PTPN4: variants seen among roughly 807,000 people sequenced by gnomAD.
PTPN4 encodes protein tyrosine phosphatase non-receptor type 4, also known as tyrosine-protein phosphatase non-receptor type 4.
Under a neutral mutation model 135.5 loss-of-function variants are expected in PTPN4, and 49 were observed. The observed-to-expected ratio is 0.36, with a 90% CI of 0.29 to 0.46. PTPN4 has a LOEUF of 0.46. PTPN4 is among the 20% of genes least tolerant of loss of function. PTPN4 has a pLI of 1.00. For missense variants in PTPN4, 860 were observed against 1,101.0 expected (o/e 0.78, Z 3.10); for synonymous variants, 333 against 369.9 (o/e 0.90, Z 1.14).
chr2:119,865,051 T>TC (rs2104989634), intron 3 of PTPN4, among the ~76,000 whole-genome samples: 1 of 152,252 alleles, frequency 6.6e-6, no homozygotes, highest in South Asian at 2.1e-4. Context: ...ATCTCCTAAC[T>TC]CCCCATGCTA....
At chr2:119,826,890 A>G (rs1017538553) in intron 2 of PTPN4, among the ~76,000 whole-genome samples, 1 of 152,096 alleles carries the variant, frequency 6.6e-6, no homozygotes, top group Non-Finnish European at 1.5e-5. Context: ...TTAGTCAGGC[A>G]TGGTGGCATG....
intron 1 of PTPN4, among the ~76,000 whole-genome samples, chr2:119,770,720 A>G (rs1450085497): frequency 6.6e-6 from 1 of 151,588 alleles, no homozygotes; most frequent in African/African-American, 2.4e-5. Context: ...GTATAGATAT[A>G]CTATTAAGCT....
intron 1 of PTPN4, among the ~76,000 whole-genome samples, chr2:119,796,263 A>G (rs975764614): frequency 2.6e-5 from 4 of 152,174 alleles, no homozygotes; most frequent in Non-Finnish European, 4.4e-5. Flanking sequence ...ATATGTATAC[A>G]TCCATTAAAC....
chr2:119,934,659 C>T lies in PTPN4; in HGVS notation c.1197-141C>T, dbSNP rs1678954943. 3.9e-6 allele frequency: 3 copies of T among 777,044 alleles called. No individual in the cohort carries two copies. The Admixed American group carries it at 8.1e-5, about 21-fold the overall frequency. The allele number at this position is 777,044 out of a possible 1,614,324, so 48.1% of individuals were successfully genotyped here. ...CTCTGTTCCCTCTGTTTATATCACA[C>T]TGTCTTTTTCAGAGATTGCTTAGTC... On this transcript the variant is annotated intron_variant, in intron 14 of 26. Transcript: ENST00000263708.
At chr2:119,949,110 C>G (rs1679176478) in intron 18 of PTPN4, among the ~76,000 whole-genome samples, 1 of 152,028 alleles carries the variant, frequency 6.6e-6, no homozygotes. Flanking sequence ...ATATTCATTT[C>G]CAAACAGAAT....
At chr2:119,838,182 G>A (rs750875159) in intron 2 of PTPN4, among the ~76,000 whole-genome samples, 20 of 151,952 alleles carry the variant, frequency 1.3e-4, no homozygotes, top group Non-Finnish European at 2.2e-4. Flanking sequence ...TTTCTTCAGT[G>A]GATGATTTCT....
At chr2:119,910,117 G>C (rs1391976571) in intron 10 of PTPN4, among the ~76,000 whole-genome samples, 1 of 152,000 alleles carries the variant, frequency 6.6e-6, no homozygotes, top group African/African-American at 2.4e-5. Context: ...TTCTAGTGTA[G>C]GTAAGTGCTA....
intron 11 of PTPN4, chr2:119,915,987 TC>T (rs1236393050): frequency 6.6e-6 from 1 of 151,448 alleles, no homozygotes; most frequent in African/African-American, 2.4e-5. Flanking sequence ...GGCCAGGAGT[TC>T]CAGACCAGCC....
chr2:119,770,579 G>T (rs973652555), intron 1 of PTPN4, among the ~76,000 whole-genome samples: 1 of 151,922 alleles, frequency 6.6e-6, no homozygotes, highest in Non-Finnish European at 1.5e-5. Flanking sequence ...TATGTAGAAG[G>T]TATTTACTAT....
At chr2:119,952,844 C>T (rs1359621849) in intron 19 of PTPN4, among the ~76,000 whole-genome samples, 1 of 152,194 alleles carries the variant, frequency 6.6e-6, no homozygotes, top group African/African-American at 2.4e-5. Flanking sequence ...CAAGAACATT[C>T]TACCAATATA....
chr2:119,934,094 G>A (rs1305856462), intron 14 of PTPN4, among the ~76,000 whole-genome samples: 1 of 152,116 alleles, frequency 6.6e-6, no homozygotes, highest in Non-Finnish European at 1.5e-5. Flanking sequence ...ACAATTTCAG[G>A]TATAATCTAA....
rs182219548 is a variant in PTPN4 at position 119,870,480 on chromosome 2, A to G, written c.247-6843A>G. ...TCTGAATGGAATTTTTGGGGAGAAG[A>G]TTTGACAATAGGATCCTCAACTTCC... On this transcript the variant is annotated intron_variant, in intron 3 of 26. Coordinates refer to ENST00000263708, the MANE Select transcript of PTPN4 (RefSeq NM_002830.4). Among the ~76,000 whole-genome samples the G allele has an allele frequency of 1.3e-4, 20 of 152,324 alleles. No homozygotes were observed. In the East Asian group the frequency reaches 3.5e-3, roughly 26 times the overall value.
chr2:119,765,712 G>C (rs1205412685), intron 1 of PTPN4, among the ~76,000 whole-genome samples: 1 of 152,244 alleles, frequency 6.6e-6, no homozygotes, highest in African/African-American at 2.4e-5. Context: ...TAGTGACAGT[G>C]TAATAAGATC....
intron 1 of PTPN4, among the ~76,000 whole-genome samples, chr2:119,785,126 A>C (rs1303014299): frequency 2.6e-5 from 4 of 152,146 alleles, no homozygotes; most frequent in Non-Finnish European, 4.4e-5. Flanking sequence ...TCTGCACTGG[A>C]GCCAGTAGCA....
intron 1 of PTPN4, among the ~76,000 whole-genome samples, chr2:119,806,974 G>A (rs1691482461): frequency 2.0e-5 from 3 of 152,170 alleles, no homozygotes; most frequent in Admixed American, 2.0e-4. Context: ...GCTTCTGAAT[G>A]ACTACGGGGT....
At chr2:119,843,218 CTTTTTTTTTTT>C (rs779045976) in intron 2 of PTPN4, among the ~76,000 whole-genome samples, 3 of 107,298 alleles carry the variant, frequency 2.8e-5, no homozygotes, top group Admixed American at 2.0e-4. Flanking sequence ...ATGCATTTTT[CTTTTTTTTTTT>C]TTTTTTTTTG....
chr2:119,881,276 C>T (rs1158324367), intron 5 of PTPN4, among the ~76,000 whole-genome samples: 2 of 152,212 alleles, frequency 1.3e-5, no homozygotes, highest in African/African-American at 4.8e-5. Flanking sequence ...TTCCTTAATT[C>T]ACATGGAAGT....
At chr2:119,943,141 A>G (rs1378344044) in intron 15 of PTPN4, among the ~76,000 whole-genome samples, 3 of 152,206 alleles carry the variant, frequency 2.0e-5, no homozygotes, top group South Asian at 2.1e-4. Flanking sequence ...AAAGACTCTA[A>G]TCTCTCCTAG....
intron 1 of PTPN4, among the ~76,000 whole-genome samples, chr2:119,794,976 C>G (rs995506693): frequency 6.6e-6 from 1 of 152,186 alleles, no homozygotes; most frequent in African/African-American, 2.4e-5. Context: ...GAAAGGGTAG[C>G]TCCACTCTGC....
Sources: gnomAD v4.1 joint callset for allele counts (sites outside exome capture counted in the v4.1 genomes callset) on GRCh38, gnomAD v4.1.1 for gene constraint, MANE v1.5 for transcripts, NCBI Gene and HGNC (gene_info 2026-07-23, HGNC 2026-07-21) for gene names.